RPS6KA4: variants seen among roughly 807,000 people sequenced by gnomAD.
The protein encoded by RPS6KA4 is ribosomal protein S6 kinase alpha-4.
RPS6KA4 carries 38 observed loss-of-function variants against 89.6 expected under a neutral mutation model. That is an observed-to-expected ratio of 0.42 (90% CI 0.33 to 0.56). RPS6KA4 has a LOEUF of 0.56. Ranked by LOEUF, RPS6KA4 falls within the 20% of genes least tolerant of loss-of-function variation. The probability of loss-of-function intolerance (pLI) is 0.07; values close to 1 mark genes in which losing one functional copy is unlikely to be tolerated. For missense variants in RPS6KA4, 873 were observed against 1,098.8 expected (o/e 0.79, Z 2.90); for synonymous variants, 495 against 492.8 (o/e 1.00, Z -0.06).
At chr11:64,360,679 T>C (rs1348961256) in intron 4 of RPS6KA4, 87 bp downstream of exon 4, 4 of 1,198,754 alleles carry the variant, frequency 3.3e-6, no homozygotes, top group African/African-American at 3.0e-5. Context: ...GCCTCAGGCT[T>C]CCCCCTGGGC....
intron 8 of RPS6KA4, among the ~76,000 whole-genome samples, chr11:64,363,672 A>C (rs975870703): frequency 1.4e-4 from 22 of 151,934 alleles, no homozygotes; most frequent in Admixed American, 5.9e-4. Context: ...TTGTATTTTT[A>C]GTAGAGTCAG....
chr11:64,360,126 T>C (rs1367936181), intron 2 of RPS6KA4, 37 bp from the exon 3 acceptor site: 2 of 1,514,056 alleles, frequency 1.3e-6, no homozygotes, highest in East Asian at 4.9e-5. Context: ...AATCTCCCGC[T>C]CACAGCCCAC....
At chr11:64,363,354 A>T (rs1481323299) in intron 8 of RPS6KA4, among the ~76,000 whole-genome samples, 1 of 152,142 alleles carries the variant, frequency 6.6e-6, no homozygotes, top group Non-Finnish European at 1.5e-5. Flanking sequence ...GGTTTCTTTC[A>T]GTGAATTCCG....
In RPS6KA4 at chr11:64,370,881, G is replaced by A. The variant is rs919068832; in HGVS notation, c.2121+155G>A. Among the ~76,000 whole-genome samples, 8 of 152,094 alleles carry A rather than the reference G, an allele frequency of 5.3e-5. No individual in the cohort carries two copies. The South Asian group carries it at 8.3e-4, about 16-fold the overall frequency. On this transcript the variant is annotated intron_variant, in intron 16 of 16. Coordinates refer to ENST00000334205, the MANE Select transcript of RPS6KA4 (RefSeq NM_003942.3). This position sits in a 1 kb window ranked among gnomAD's most constrained non-coding sequence, Gnocchi z 4.1. ...AGCGCTTTGGGAGGCCGAGGCGGGC[G>A]GATCACGAGGTCAGGGGTTCGAGAC...
At position 64,365,459 on chromosome 11, in the gene RPS6KA4, C is replaced by A; in HGVS notation, c.1065C>A (p.Ile355=). 1 of 1,613,822 alleles carries A rather than the reference C, an allele frequency of 6.2e-7. No homozygotes were observed. Among genetic ancestry groups the A allele is most frequent in the East Asian group, 2.2e-5 (1 of 44,880 alleles). Reference sequence around the variant, plus strand: ...GCCCCCCACCTGGGGACCCCCGAATCTTTCAGGTGAGGGGAAACTCATGGA... The same window carrying A: ...GCCCCCCACCTGGGGACCCCCGAATATTTCAGGTGAGGGGAAACTCATGGA... ...PGSPPPGDPR[I]FQGYSFVAPS... Residue 355 remains isoleucine (I), a synonymous_variant, in exon 9 of 17, where the codon ATC becomes ATA. Transcript: ENST00000334205.
chr11:64,360,872 T>G (rs2036727174), intron 4 of RPS6KA4: 2 of 573,734 alleles, frequency 3.5e-6, no homozygotes, highest in African/African-American at 1.9e-5. Context: ...CCTCACGGCC[T>G]GGCTCCTAAG....
chr11:64,367,171 G>A (rs962598968), intron 9 of RPS6KA4, among the ~76,000 whole-genome samples: 1 of 152,152 alleles, frequency 6.6e-6, no homozygotes, highest in African/African-American at 2.4e-5. Context: ...TTAGAGACAG[G>A]ATCTTGTTCT....
chr11:64,361,837 C>G lies in RPS6KA4; in HGVS notation c.756-15C>G, dbSNP rs1218653375. Reference sequence around the variant, plus strand: ...GGGGGGCTTGCTGCCCCTGACACCCCCCCAATCCTCCCAGACGGATCCTGA... The same window carrying G: ...GGGGGGCTTGCTGCCCCTGACACCCGCCCAATCCTCCCAGACGGATCCTGA... On this transcript the variant is annotated splice_polypyrimidine_tract_variant and intron_variant, in intron 7 of 16. Coordinates refer to ENST00000334205, the MANE Select transcript of RPS6KA4 (RefSeq NM_003942.3). This position sits in a 1 kb window ranked among gnomAD's most constrained non-coding sequence, Gnocchi z 4.7. 3.1e-6 allele frequency: 5 copies of G among 1,594,216 alleles called. No homozygotes were observed. The African/African-American group carries it at 5.4e-5, about 17-fold the overall frequency.
rs754028837 is a variant in RPS6KA4, at chr11:64,361,261, G to T, written c.570+20G>T. 1.1e-5 allele frequency: 18 copies of T among 1,580,460 alleles called. No homozygotes were observed. Among genetic ancestry groups the T allele is most frequent in the Middle Eastern group, 1.7e-4 (1 of 5,844 alleles). On this transcript the variant is annotated intron_variant, in intron 5 of 16. Transcript: ENST00000334205. This position sits in a 1 kb window ranked among gnomAD's most constrained non-coding sequence, Gnocchi z 4.7. ...GAGGAGGTGAGTGGAGGCCACCTCT[G>T]CCTGCAGTGCCCCATTCAATCCTTC...
At chr11:64,368,889 CG>C in intron 12 of RPS6KA4, 92 bp downstream of exon 12, 1 of 1,202,384 alleles carries the variant, frequency 8.3e-7, no homozygotes. Flanking sequence ...GTGAATTGGG[CG>C]GGGCCTAGCG....
chr11:64,360,248 G>A lies in RPS6KA4; in HGVS notation c.213G>A (p.Ala71=). 1 of 1,547,452 alleles carries A rather than the reference G, an allele frequency of 6.5e-7. No individual in the cohort carries two copies. The highest frequency in any genetic ancestry group is 8.7e-7 in the Non-Finnish European group (1 of 1,146,330). ...CCATGAAGGTGCTGCGCAAGGCGGC[G>A]CTGGTGCAGCGCGCCAAGACGCAAG... ...LYAMKVLRKA[A]LVQRAKTQEH... is the part of the protein sequence containing the mutation. Residue 71 remains alanine (A), a synonymous_variant, in exon 3 of 17, where the codon GCG becomes GCA. Coordinates refer to ENST00000334205, the MANE Select transcript of RPS6KA4 (RefSeq NM_003942.3).
In RPS6KA4 at chr11:64,361,309, T is replaced by TG. The variant is rs2036741921; in HGVS notation, c.570+71dup. 1 of 1,497,368 alleles carries TG rather than the reference T, an allele frequency of 6.7e-7. No homozygotes were observed. The highest frequency in any genetic ancestry group is 1.4e-5 in the African/African-American group (1 of 72,486). The allele number at this position is 1,497,368 out of a possible 1,614,324, so 92.8% of individuals were successfully genotyped here. A position where few individuals can be genotyped will look rare whatever the true frequency, so the allele number is the denominator to read the frequency against. On this transcript the variant is annotated intron_variant, in intron 5 of 16. Transcript: ENST00000334205. The surrounding 1 kb of genome is among the most constrained non-coding windows in gnomAD (Gnocchi z 4.7). Reference sequence around the variant, plus strand: ...TTCTCCTTCCTGCCTCTTCCTGCTCTGGGCCTGCATTCTGGGGCTGCAGAA... The same window carrying TG: ...TTCTCCTTCCTGCCTCTTCCTGCTCTGGGGCCTGCATTCTGGGGCTGCAGAA...
At position 64,370,818 on chromosome 11, in the gene RPS6KA4, AG is replaced by A; in HGVS notation, c.2121+94del. 7.1e-7 allele frequency: 1 copy of A among 1,414,480 alleles called. No homozygotes were observed. Among genetic ancestry groups the A allele is most frequent in the Non-Finnish European group, 9.3e-7 (1 of 1,078,570 alleles). The allele number at this position is 1,414,480 out of a possible 1,614,324, so 87.6% of individuals were successfully genotyped here. Reference sequence around the variant, plus strand: ...CCGGCCATCGGAGCACAGAAAGGCGAGGTGAGGCCGGGCGCGGTGGCTCACG... The same window carrying A: ...CCGGCCATCGGAGCACAGAAAGGCGAGTGAGGCCGGGCGCGGTGGCTCACG... On this transcript the variant is annotated intron_variant, in intron 16 of 16. Coordinates refer to ENST00000334205, the MANE Select transcript of RPS6KA4 (RefSeq NM_003942.3). The surrounding 1 kb of genome is among the most constrained non-coding windows in gnomAD (Gnocchi z 4.1).
chr11:64,369,206 G>A (rs964960848), intron 12 of RPS6KA4, among the ~76,000 whole-genome samples: 4 of 152,186 alleles, frequency 2.6e-5, no homozygotes, highest in African/African-American at 9.7e-5. Context: ...CACGAGAATC[G>A]CTTGAACCCG....
Position 64,371,798 on chromosome 11 carries a change from T to G in RPS6KA4, c.*318T>G. ...CAGGAAAGAGCCCCTCCCCCACTTC[T>G]AAGCACTGAGTTAGGAGTGCTAACT... On this transcript the variant is annotated 3_prime_UTR_variant, in exon 17 of 17. Transcript: ENST00000334205. 3.8e-6 allele frequency: 1 copy of G among 265,626 alleles called. No individual in the cohort carries two copies. Among genetic ancestry groups the G allele is most frequent in the Non-Finnish European group, 7.1e-6 (1 of 140,252 alleles). 16.5% of individuals were successfully genotyped at this position (265,626 alleles called of 1,614,324 possible).
Position 64,361,835 on chromosome 11 carries a change from C to G in RPS6KA4, c.756-17C>G, listed in dbSNP as rs761960348. ...GTGGGGGGCTTGCTGCCCCTGACACCCCCCCAATCCTCCCAGACGGATCCT... is the reference window on the plus strand; with the variant it reads ...GTGGGGGGCTTGCTGCCCCTGACACGCCCCCAATCCTCCCAGACGGATCCT... On this transcript the variant is annotated splice_polypyrimidine_tract_variant and intron_variant, in intron 7 of 16. Coordinates refer to ENST00000334205, the MANE Select transcript of RPS6KA4 (RefSeq NM_003942.3). The surrounding 1 kb of genome is among the most constrained non-coding windows in gnomAD (Gnocchi z 4.7). 7 of 1,587,314 alleles carry G rather than the reference C, an allele frequency of 4.4e-6. No individual in the cohort carries two copies. The highest frequency in any genetic ancestry group is 6.0e-6 in the Non-Finnish European group (7 of 1,170,454).
At chr11:64,359,542 A>C in intron 2 of RPS6KA4, 93 bp downstream of exon 2, 1 of 1,359,698 alleles carries the variant, frequency 7.4e-7, no homozygotes, top group South Asian at 1.3e-5. Flanking sequence ...GCCACTGAGC[A>C]GGCCCCCCAC....
At chr11:64,369,422 C>G in intron 12 of RPS6KA4, 24 bp from the exon 13 acceptor site, 1 of 1,562,860 alleles carries the variant, frequency 6.4e-7, no homozygotes, top group Non-Finnish European at 8.6e-7. Flanking sequence ...GGGTGTTGAC[C>G]TTGGCCCGCC....
chr11:64,365,499 G>A (rs1190597151), intron 9 of RPS6KA4, 34 bp downstream of exon 9: 1 of 1,610,940 alleles, frequency 6.2e-7, no homozygotes, highest in Non-Finnish European at 8.5e-7. Flanking sequence ...AGATGCAGGA[G>A]AGATGAGATG....
Sources: allele counts gnomAD v4.1 joint callset (sites outside exome capture counted in the v4.1 genomes callset), GRCh38; gene constraint gnomAD v4.1.1; non-coding constraint Gnocchi (gnomAD v3.1); transcripts MANE v1.5; gene names NCBI Gene and HGNC (gene_info 2026-07-23, HGNC 2026-07-21).